Variants in PPARA observed in about 807,000 individuals in gnomAD.
PPARA encodes the protein peroxisome proliferator activated receptor alpha, also known as peroxisome proliferator-activated receptor alpha.
PPARA carries 22 observed loss-of-function variants against 42.2 expected under a neutral mutation model. That is an observed-to-expected ratio of 0.52 (90% CI 0.37 to 0.74). The LOEUF (loss-of-function observed/expected upper bound fraction) is 0.74, where lower values mean the gene tolerates loss of function less well. Among genes scored for constraint, PPARA ranks in the 30% least tolerant of loss-of-function variants. The probability of loss-of-function intolerance (pLI) is 0.00; values close to 1 mark genes in which losing one functional copy is unlikely to be tolerated. For synonymous variants in PPARA, 242 were observed against 239.3 expected (o/e 1.01, Z -0.10); for missense variants, 465 against 608.2 (o/e 0.76, Z 2.48).
intron 4 of PPARA, among the ~76,000 whole-genome samples, chr22:46,210,265 C>T (rs1601757108): frequency 1.4e-5 from 2 of 143,122 alleles, no homozygotes; most frequent in African/African-American, 5.2e-5. Context: ...GCCGAGATCA[C>T]ACCATTGGAC....
chr22:46,153,163 C>CTTTTTTTTTTTTTTTTTTTTTTTTT (rs996863467), intron 2 of PPARA, among the ~76,000 whole-genome samples: 1 of 109,220 alleles, frequency 9.2e-6, no homozygotes, highest in African/African-American at 3.7e-5. Context: ...TTCCCACATC[C>CTTTTTTTTTTTTTTTTTTTTTTTTT]TTTTTTTTTT....
intron 2 of PPARA, among the ~76,000 whole-genome samples, chr22:46,168,131 T>TTGCTTGAGCCCAGGAGG (rs764364176): frequency 1.3e-5 from 2 of 151,318 alleles, no homozygotes; most frequent in Admixed American, 6.6e-5. Flanking sequence ...AGCAGGTGGA[T>TTGCTTGAGCCCAGGAGG]CACAAGGGCA....
At position 46,193,505 on chromosome 22, in the gene PPARA, G is replaced by A. The variant is rs577444524; in HGVS notation, c.-42-4837G>A. Among the ~76,000 whole-genome samples, 31 of 152,210 alleles carry A rather than the reference G, an allele frequency of 2.0e-4. No individual in the cohort carries two copies. The highest frequency in any genetic ancestry group is 7.2e-4 in the African/African-American group (30 of 41,522). On this transcript the variant is annotated intron_variant, in intron 3 of 8. Transcript: ENST00000407236. This position sits in a 1 kb window ranked among gnomAD's most constrained non-coding sequence, Gnocchi z 5.3. The stretch of plus-strand genomic sequence containing the variant: ...GCACAGCTACCCCATTCCCCATGAC[G>A]TGTTTAGTTCACATTACATGCCTAT...
At position 46,180,516 on chromosome 22, in the gene PPARA, C is replaced by T. The variant is rs1427301510; in HGVS notation, c.-43+3680C>T. Among the ~76,000 whole-genome samples, 1 of 152,184 alleles carries T rather than the reference C, an allele frequency of 6.6e-6. No homozygotes were observed. The highest frequency in any genetic ancestry group is 1.5e-5 in the Non-Finnish European group (1 of 68,034). On this transcript the variant is annotated intron_variant, in intron 3 of 8. Transcript: ENST00000407236. This position sits in a 1 kb window ranked among gnomAD's most constrained non-coding sequence, Gnocchi z 4.2. ...AATTCCTGTTTTCCCTGCACAGCTGCAAGTTCACAAGGCAGATAAGCTTAA... is the reference window on the plus strand; with the variant it reads ...AATTCCTGTTTTCCCTGCACAGCTGTAAGTTCACAAGGCAGATAAGCTTAA...
chr22:46,185,938 T>A lies in PPARA; in HGVS notation c.-43+9102T>A, dbSNP rs867295769. 1.4e-3 allele frequency among the ~76,000 whole-genome samples: 57 copies of A among 41,314 alleles called. 5 individuals are homozygous for A. The highest frequency in any genetic ancestry group is 2.9e-3 in the African/African-American group (38 of 13,102). 27.1% of individuals were successfully genotyped at this position (41,314 alleles called of 152,430 possible). On this transcript the variant is annotated intron_variant, in intron 3 of 8. Coordinates refer to ENST00000407236, the MANE Select transcript of PPARA (RefSeq NM_005036.6). ...AAAAATATATATATATATATATATA[T>A]ATATATATATATATATATATATATA...
rs138596763 is a variant in PPARA at position 46,216,750 on chromosome 22, A to G, written c.369+1417A>G. On this transcript the variant is annotated intron_variant, in intron 5 of 8. Coordinates refer to ENST00000407236, the MANE Select transcript of PPARA (RefSeq NM_005036.6). The surrounding 1 kb of genome is among the most constrained non-coding windows in gnomAD (Gnocchi z 4.5). ...TGTGACCTGGGCCAGGAGTGCATGA[A>G]GGCAGGCCCTGTTGTCCTGCATGCT... Among the ~76,000 whole-genome samples, 903 of 152,232 alleles carry G rather than the reference A, an allele frequency of 5.9e-3. 11 individuals carry two copies. The highest frequency in any genetic ancestry group is 0.021 in the African/African-American group (858 of 41,526).
intron 7 of PPARA, among the ~76,000 whole-genome samples, chr22:46,223,308 C>T (rs1935142654): frequency 6.6e-6 from 1 of 152,112 alleles, no homozygotes; most frequent in African/African-American, 2.4e-5. Context: ...TCACATGCAG[C>T]AACTAGCAGG....
rs1372295030 is a variant in PPARA at position 46,225,887 on chromosome 22, TCA to T, written c.711+5878_711+5879del. Among the ~76,000 whole-genome samples, 1 of 138,916 alleles carries T rather than the reference TCA, an allele frequency of 7.2e-6. No individual in the cohort carries two copies. Among genetic ancestry groups the T allele is most frequent in the Non-Finnish European group, 1.6e-5 (1 of 63,928 alleles). 91.1% of individuals were successfully genotyped at this position (138,916 alleles called of 152,430 possible). On this transcript the variant is annotated intron_variant, in intron 7 of 8. Transcript: ENST00000407236. The surrounding 1 kb of genome is among the most constrained non-coding windows in gnomAD (Gnocchi z 4.1). Reference sequence around the variant, plus strand: ...CACCCACACATGGATACACGCACACTCACACATGTACCCACACCTGTGTGTAC... The same window carrying T: ...CACCCACACATGGATACACGCACACTCACATGTACCCACACCTGTGTGTAC...
rs1935980231 is a variant in PPARA, at chr22:46,232,969, A to G, written c.1159+730A>G. On this transcript the variant is annotated intron_variant, in intron 8 of 8. Coordinates refer to ENST00000407236, the MANE Select transcript of PPARA (RefSeq NM_005036.6). The surrounding 1 kb of genome is among the most constrained non-coding windows in gnomAD (Gnocchi z 5.3). ...CACACTCCAGCCTGGGCGACGAAGA[A>G]TGACCCTGTCTCAAAAAAAAAAAAA... is the stretch of plus-strand genomic sequence containing the variant. Among the ~76,000 whole-genome samples the G allele has an allele frequency of 7.2e-6, 1 of 138,598 alleles. No homozygotes were observed. Among genetic ancestry groups the G allele is most frequent in the South Asian group, 2.2e-4 (1 of 4,508 alleles). 90.9% of individuals were successfully genotyped at this position (138,598 alleles called of 152,430 possible).
chr22:46,231,790 A>G lies in PPARA; in HGVS notation c.712-2A>G. ...GACTTACCTTGGTGTCCTCCTTTGT[A>G]GCCTTTTGTCATACATGATATGGAG... is the stretch of plus-strand genomic sequence containing the variant. On this transcript the variant is annotated splice_acceptor_variant, in intron 7 of 8. Coordinates refer to ENST00000407236, the MANE Select transcript of PPARA (RefSeq NM_005036.6). LOFTEE classifies it high-confidence loss of function. The surrounding 1 kb of genome is among the most constrained non-coding windows in gnomAD (Gnocchi z 7.7). The G allele has an allele frequency of 6.2e-7, 1 of 1,612,478 alleles. No individual in the cohort carries two copies. The highest frequency in any genetic ancestry group is 1.1e-5 in the South Asian group (1 of 90,898).
intron 3 of PPARA, among the ~76,000 whole-genome samples, chr22:46,197,741 A>C (rs1198516841): frequency 2.0e-5 from 3 of 151,920 alleles, no homozygotes; most frequent in East Asian, 3.9e-4. Context: ...GTCTCTACTA[A>C]TAATACAAAA....
rs1310987778 is a variant in PPARA, at chr22:46,184,697, A to C, written c.-43+7861A>C. Among the ~76,000 whole-genome samples, 2 of 152,162 alleles carry C rather than the reference A, an allele frequency of 1.3e-5. No individual in the cohort carries two copies. On this transcript the variant is annotated intron_variant, in intron 3 of 8. Coordinates refer to ENST00000407236, the MANE Select transcript of PPARA (RefSeq NM_005036.6). This position sits in a 1 kb window ranked among gnomAD's most constrained non-coding sequence, Gnocchi z 4.4. ...TGGCAAAACCTCTTCTCTACAAAAA[A>C]TACAAAAATTAGCCAGGCGTGGTGG...
In PPARA at chr22:46,233,602, G is replaced by A. The variant is rs147797992; in HGVS notation, c.1159+1363G>A. ...CTGGCATAAAGTGTACAAAGACAAA[G>A]CAGTTATGCATAATTTGTCCTTTAG... On this transcript the variant is annotated intron_variant, in intron 8 of 8. Transcript: ENST00000407236. This position sits in a 1 kb window ranked among gnomAD's most constrained non-coding sequence, Gnocchi z 7.3. Among the ~76,000 whole-genome samples the A allele has an allele frequency of 3.9e-3, 591 of 152,332 alleles. 3 individuals carry two copies. Among genetic ancestry groups the A allele is most frequent in the African/African-American group, 0.013 (560 of 41,572 alleles).
intron 4 of PPARA, among the ~76,000 whole-genome samples, chr22:46,210,922 A>G (rs1933867263): frequency 6.6e-6 from 1 of 152,164 alleles, no homozygotes; most frequent in Admixed American, 6.5e-5. Context: ...TGTTTGTTTT[A>G]GAGATAACTT....
rs540693991 is a variant in PPARA, at chr22:46,216,681, T to C, written c.369+1348T>C. On this transcript the variant is annotated intron_variant, in intron 5 of 8. Transcript: ENST00000407236. This position sits in a 1 kb window ranked among gnomAD's most constrained non-coding sequence, Gnocchi z 4.5. ...CCTGATTCAAGCGACAGGAACCCCC[T>C]GTGCATCTTCATCCTCCTGCTGGCT... Among the ~76,000 whole-genome samples, 3 of 152,338 alleles carry C rather than the reference T, an allele frequency of 2.0e-5. No homozygotes were observed. The highest frequency in any genetic ancestry group is 2.0e-4 in the Admixed American group (3 of 15,302).
rs74538797 is a variant in PPARA, at chr22:46,162,068, G to A, written c.-127+10098G>A. 0.021 allele frequency among the ~76,000 whole-genome samples: 3,211 copies of A among 152,212 alleles called. 92 individuals are homozygous for A. Among genetic ancestry groups the A allele is most frequent in the African/African-American group, 0.073 (3,033 of 41,508 alleles). ...CAGCCTCCTGCTAGGGCTGGGTGGG[G>A]GACATCAAAGGCAGGACAAGGTGTA... On this transcript the variant is annotated intron_variant, in intron 2 of 8. Coordinates refer to ENST00000407236, the MANE Select transcript of PPARA (RefSeq NM_005036.6). The surrounding 1 kb of genome is among the most constrained non-coding windows in gnomAD (Gnocchi z 6.0).
intron 4 of PPARA, among the ~76,000 whole-genome samples, chr22:46,207,643 A>ATTT (rs1289525333): frequency 2.0e-5 from 2 of 99,830 alleles, no homozygotes; most frequent in Non-Finnish European, 4.5e-5. Flanking sequence ...TAATTAATTA[A>ATTT]TTTATTATTA....
chr22:46,169,379 C>T (rs111580018), intron 2 of PPARA, among the ~76,000 whole-genome samples: 8,160 of 151,998 alleles, frequency 0.054, 341 homozygotes, highest in African/African-American at 0.096. Flanking sequence ...GGACTACAGG[C>T]GCCCGCCACC....
rs1314092386 is a variant in PPARA at position 46,183,501 on chromosome 22, C to T, written c.-43+6665C>T. On this transcript the variant is annotated intron_variant, in intron 3 of 8. Transcript: ENST00000407236. The surrounding 1 kb of genome is among the most constrained non-coding windows in gnomAD (Gnocchi z 5.5). ...TCACGCCAGTAGTCCCAGCACTTTG[C>T]GGGGCCCAGGAGGGCAGATCACTTG... Among the ~76,000 whole-genome samples the T allele has an allele frequency of 6.6e-6, 1 of 152,168 alleles. No individual in the cohort carries two copies. Among genetic ancestry groups the T allele is most frequent in the South Asian group, 2.1e-4 (1 of 4,828 alleles).
Sources: allele counts gnomAD v4.1 joint callset (sites outside exome capture counted in the v4.1 genomes callset), GRCh38; gene constraint gnomAD v4.1.1; non-coding constraint Gnocchi (gnomAD v3.1); transcripts MANE v1.5; gene names NCBI Gene and HGNC (gene_info 2026-07-23, HGNC 2026-07-21).